The following GAL variants were observed in gnomAD, a reference collection of about 807,000 sequenced individuals.
The protein encoded by GAL is galanin peptides.
Under a neutral mutation model 15.8 loss-of-function variants are expected in GAL, and 14 were observed. That is an observed-to-expected ratio of 0.89 (90% CI 0.59 to 1.39). GAL has a LOEUF of 1.39. Ranked by LOEUF, GAL falls within the 40% of genes most tolerant of loss-of-function variation. The pLI is 0.00. For synonymous variants in GAL, 79 were observed against 73.8 expected (o/e 1.07, Z -0.36); for missense variants, 176 against 170.4 (o/e 1.03, Z -0.18).
At chr11:68,688,751 G>A in intron 4 of GAL, 98 bp from the exon 5 acceptor site, 1 of 703,800 alleles carries the variant, frequency 1.4e-6, no homozygotes, top group South Asian at 1.5e-5. Flanking sequence ...TCAGATCATT[G>A]ACCTTGCAGC....
rs939120221 is a variant in GAL, at chr11:68,684,994, T to C, written c.71T>C (p.Leu24Pro). The C allele has an allele frequency of 6.3e-7, 1 of 1,599,050 alleles. No homozygotes were observed. Among genetic ancestry groups the C allele is most frequent in the South Asian group, 1.1e-5 (1 of 88,730 alleles). ...GCGGCCCTTTCTGCCTCTGCGGGGC[T>C]CTGGTCGCCGGTAAGTGCGGGGCGC... The part of the protein sequence containing the change: ...LAAALSASAG[L>P]WSPAKEKRGW... Residue 24 changes from leucine to proline, a missense_variant, in exon 2 of 6, where the codon CTC becomes CCC. Physicochemically the swap from Leu to Pro is moderately conservative, Grantham distance 98 (BLOSUM62 -3). Coordinates refer to ENST00000265643, the MANE Select transcript of GAL (RefSeq NM_015973.5).
rs1267236797 is a variant in GAL at position 68,689,374 on chromosome 11, CCTTT to C, written c.301+449_301+452del. ...TCTTTCTTCTTTCTCTTCCTTCCTT[CCTTT>C]TTCTTCCTCCCTCTTTCTCTCTCTC... On this transcript the variant is annotated intron_variant, in intron 5 of 5. Transcript: ENST00000265643. 5.9e-5 allele frequency among the ~76,000 whole-genome samples: 9 copies of C among 151,832 alleles called. No individual in the cohort carries two copies. In the South Asian group the frequency reaches 1.7e-3, roughly 28 times the overall value.
rs766763251 is a variant in GAL at position 68,688,960 on chromosome 11, C to G, written c.301+34C>G. ...AATATCATCAACTTAACATTCATCT[C>G]TTAGTACACTGGAAACGTAAAAGGC... On this transcript the variant is annotated intron_variant, in intron 5 of 5. Transcript: ENST00000265643. 5 of 995,970 alleles carry G rather than the reference C, an allele frequency of 5.0e-6. No homozygotes were observed. In the South Asian group the frequency reaches 6.4e-5, roughly 13 times the overall value. The allele number at this position is 995,970 out of a possible 1,614,324, so 61.7% of individuals were successfully genotyped here.
intron 2 of GAL, 46 bp downstream of exon 2, chr11:68,685,050 C>G (rs1038198795): frequency 2.3e-6 from 3 of 1,332,148 alleles, no homozygotes; most frequent in Non-Finnish European, 1.1e-6. Flanking sequence ...ACATCAGAGC[C>G]GGCCGGGCGT....
intron 5 of GAL, among the ~76,000 whole-genome samples, chr11:68,690,098 C>T (rs1566304050): frequency 1.3e-5 from 2 of 151,500 alleles, no homozygotes; most frequent in African/African-American, 2.4e-5. Flanking sequence ...AGGGATAGAC[C>T]GCTTTGCCTC....
Position 68,684,943 on chromosome 11 carries a change from T to C in GAL, c.20T>C (p.Leu7Pro). The C allele has an allele frequency of 6.2e-7, 1 of 1,608,634 alleles. No homozygotes were observed. The highest frequency in any genetic ancestry group is 8.5e-7 in the Non-Finnish European group (1 of 1,177,716). MARGSA[L>P]LLASLLLAAA... Reference sequence around the variant, plus strand: ...TTCCAGATGGCCCGAGGCAGCGCCCTCCTGCTCGCCTCCCTCCTCCTCGCC... The same window carrying C: ...TTCCAGATGGCCCGAGGCAGCGCCCCCCTGCTCGCCTCCCTCCTCCTCGCC... Residue 7 changes from leucine to proline, a missense_variant, in exon 2 of 6, where the codon CTC (leucine) becomes CCC (proline). Coordinates refer to ENST00000265643, the MANE Select transcript of GAL (RefSeq NM_015973.5).
intron 3 of GAL, among the ~76,000 whole-genome samples, chr11:68,687,129 C>A (rs1945861090): frequency 1.3e-5 from 2 of 152,148 alleles, no homozygotes; most frequent in African/African-American, 4.8e-5. Context: ...CCTATGATTC[C>A]TCTATAAATT....
At chr11:68,686,117 C>A (rs1945850405) in intron 3 of GAL, among the ~76,000 whole-genome samples, 1 of 152,194 alleles carries the variant, frequency 6.6e-6, no homozygotes. Context: ...GGTGACCCTG[C>A]CTGCCCAAGC....
intron 3 of GAL, 79 bp from the exon 4 acceptor site, chr11:68,687,935 C>G: frequency 2.3e-6 from 2 of 861,782 alleles, no homozygotes. Flanking sequence ...CTACAGGCAG[C>G]CCTGTGTCCT....
intron 2 of GAL, 124 bp downstream of exon 2, chr11:68,685,128 G>T: frequency 1.5e-6 from 1 of 673,418 alleles, no homozygotes. Flanking sequence ...TGGAAAGGCG[G>T]GCGCTGTCCT....
At chr11:68,685,673 C>T (rs1298973393) in intron 3 of GAL, 25 bp downstream of exon 3, 1 of 1,575,152 alleles carries the variant, frequency 6.3e-7, no homozygotes. Context: ...GCATGGCCTC[C>T]CCACTCCTGA....
intron 2 of GAL, 35 bp downstream of exon 2, chr11:68,685,039 G>A (rs200711676): frequency 7.7e-6 from 11 of 1,432,228 alleles, no homozygotes; most frequent in Non-Finnish European, 9.7e-6. Context: ...GAGCGAAGGG[G>A]ACATCAGAGC....
At chr11:68,686,188 G>A (rs1433690848) in intron 3 of GAL, among the ~76,000 whole-genome samples, 1 of 152,142 alleles carries the variant, frequency 6.6e-6, no homozygotes, top group Non-Finnish European at 1.5e-5. Context: ...GTCCCCTGCT[G>A]CCTGAGGTGA....
intron 5 of GAL, among the ~76,000 whole-genome samples, chr11:68,689,244 C>A (rs1030791996): frequency 1.3e-5 from 2 of 152,182 alleles, no homozygotes; most frequent in Non-Finnish European, 2.9e-5. Flanking sequence ...AACTGCTGTA[C>A]CTTTTAGGGC....
At chr11:68,690,754 G>A (rs939914797) in intron 5 of GAL, among the ~76,000 whole-genome samples, 163 bp from the exon 6 acceptor site, 1 of 152,166 alleles carries the variant, frequency 6.6e-6, no homozygotes, top group African/African-American at 2.4e-5. Flanking sequence ...AAATCATTAC[G>A]AAGTGAGGAA....
At chr11:68,685,090 C>A in intron 2 of GAL, 86 bp downstream of exon 2, 1 of 885,096 alleles carries the variant, frequency 1.1e-6, no homozygotes, top group Non-Finnish European at 1.8e-6. Flanking sequence ...GCAGCCTCCG[C>A]CCTGCCCGCG....
At chr11:68,690,583 G>A (rs1335056203) in intron 5 of GAL, among the ~76,000 whole-genome samples, 1 of 152,154 alleles carries the variant, frequency 6.6e-6, no homozygotes, top group Non-Finnish European at 1.5e-5. Context: ...GGGGCAGAGG[G>A]ACTCTGCTAG....
Position 68,688,082 on chromosome 11 carries a change from G to A in GAL, c.205G>A (p.Glu69Lys), listed in dbSNP as rs571107777. ...GLTSKRELRP[E>K]DDMKPGSFDR... ...CACCAGCAAGCGGGAGCTGCGGCCCGAAGATGACATGAAACCAGGTGAGAG... is the reference window on the plus strand; with the variant it reads ...CACCAGCAAGCGGGAGCTGCGGCCCAAAGATGACATGAAACCAGGTGAGAG... The change falls in exon 4 of 6, where the codon GAA (glutamate) becomes AAA (lysine). Residue 69 changes from glutamate (E) to lysine (K), a missense_variant. Glu to Lys is a moderately conservative substitution (Grantham distance 56). Coordinates refer to ENST00000265643, the MANE Select transcript of GAL (RefSeq NM_015973.5). 1.9e-5 allele frequency: 31 copies of A among 1,610,834 alleles called. No homozygotes were observed. The highest frequency in any genetic ancestry group is 3.3e-4 in the Middle Eastern group (2 of 6,060).
At chr11:68,685,083 G>C in intron 2 of GAL, 79 bp downstream of exon 2, 1 of 931,450 alleles carries the variant, frequency 1.1e-6, no homozygotes, top group Non-Finnish European at 1.7e-6. Context: ...GGAGGAGGCA[G>C]CCTCCGCCCT....
Sources: allele counts gnomAD v4.1 joint callset (sites outside exome capture counted in the v4.1 genomes callset), GRCh38; gene constraint gnomAD v4.1.1; transcripts MANE v1.5; gene names NCBI Gene and HGNC (gene_info 2026-07-23, HGNC 2026-07-21).